Variants in DUSP11 observed in about 807,000 individuals in gnomAD.
The protein encoded by DUSP11 is RNA/RNP complex-1-interacting phosphatase.
In DUSP11, 27 loss-of-function variants were observed where a neutral mutation model predicts 41.4. That is an observed-to-expected ratio of 0.65 (90% CI 0.48 to 0.90). The LOEUF is 0.90. Among genes scored for constraint, DUSP11 ranks in the 40% least tolerant of loss-of-function variants. DUSP11 has a pLI of 0.00. For missense variants in DUSP11, 465 were observed against 461.1 expected (o/e 1.01, Z -0.08); for synonymous variants, 188 against 159.3 (o/e 1.18, Z -1.35).
At chr2:73,766,377 T>C in intron 8 of DUSP11, 41 bp downstream of exon 8, 1 of 1,533,220 alleles carries the variant, frequency 6.5e-7, no homozygotes, top group South Asian at 1.2e-5. Flanking sequence ...TAGTATTAAT[T>C]TCTATCTCAA....
chr2:73,775,594 A>G (rs1435889309), intron 2 of DUSP11, among the ~76,000 whole-genome samples: 7 of 147,220 alleles, frequency 4.8e-5, no homozygotes, highest in East Asian at 2.0e-4. Context: ...AGTGGTTCAC[A>G]CCTGTAATCC....
chr2:73,762,295 CA>C (rs939731139), exon 9 of DUSP11: 1 of 156,512 alleles, frequency 6.4e-6, no homozygotes, highest in African/African-American at 2.4e-5. Context: ...CAGAACATAA[CA>C]AAAACACTAA....
At chr2:73,775,167 G>A (rs780480496) in intron 2 of DUSP11, 123 bp from the exon 3 acceptor site, 59 of 808,366 alleles carry the variant, frequency 7.3e-5, no homozygotes, top group Non-Finnish European at 8.7e-5. Context: ...CATTCTCCTG[G>A]AACATAGAAG....
chr2:73,779,772 G>C (rs1257670736), intron 1 of DUSP11, 102 bp downstream of exon 1: 1 of 1,546,824 alleles, frequency 6.5e-7, no homozygotes, highest in Non-Finnish European at 8.7e-7. Flanking sequence ...GACAAGTCAA[G>C]CTTGCGATGG....
In DUSP11 at chr2:73,766,920, C is replaced by T. The variant is rs1672476475; in HGVS notation, c.683-17G>A. 12 of 1,599,212 alleles carry T rather than the reference C, an allele frequency of 7.5e-6. No homozygotes were observed. Among genetic ancestry groups the T allele is most frequent in the African/African-American group, 1.3e-5 (1 of 74,468 alleles). The stretch of plus-strand genomic sequence containing the variant: ...TATTGAATACTGAGGAGAGGATAAA[C>T]TGTTAGAAATAACTGTACAAAAAGC... On this transcript the variant is annotated splice_polypyrimidine_tract_variant and intron_variant, in intron 6 of 8. Coordinates refer to ENST00000272444, the Ensembl canonical transcript of DUSP11.
chr2:73,776,501 T>C (rs191755022), intron 2 of DUSP11, among the ~76,000 whole-genome samples: 205 of 151,516 alleles, frequency 1.4e-3, no homozygotes, highest in African/African-American at 4.8e-3. Flanking sequence ...AGTTCCCACA[T>C]GTACTTTGCC....
chr2:73,772,498 T>C (rs1672602164), intron 4 of DUSP11, among the ~76,000 whole-genome samples: 1 of 152,190 alleles, frequency 6.6e-6, no homozygotes, highest in African/African-American at 2.4e-5. Flanking sequence ...CTACAATCAG[T>C]ATAACGTGAA....
chr2:73,773,973 T>C (rs375909393), intron 3 of DUSP11, 50 bp from the exon 4 acceptor site: 4 of 1,444,906 alleles, frequency 2.8e-6, no homozygotes, highest in East Asian at 4.7e-5. Context: ...TGTAGAGAAA[T>C]AATTAAAGAG....
exon 8 of DUSP11, chr2:73,766,580 C>T (rs752590032): frequency 6.2e-7 from 1 of 1,607,850 alleles, no homozygotes; most frequent in African/African-American, 1.3e-5. Flanking sequence ...CCTGGGTACA[C>T]TGGAATTCCA....
chr2:73,773,979 A>C (rs554450005), intron 3 of DUSP11, 56 bp from the exon 4 acceptor site: 22 of 1,407,936 alleles, frequency 1.6e-5, no homozygotes, highest in Non-Finnish European at 2.0e-5. Context: ...GAAATAATTA[A>C]AGAGTAATTA....
chr2:73,769,741 G>A (rs932557971), intron 4 of DUSP11, among the ~76,000 whole-genome samples: 1 of 152,206 alleles, frequency 6.6e-6, no homozygotes, highest in African/African-American at 2.4e-5. Flanking sequence ...GTACTCTTGA[G>A]TTCCCGAAGA....
At chr2:73,769,476 T>C (rs1376813776) in intron 4 of DUSP11, 151 bp from the exon 5 acceptor site, 1 of 616,698 alleles carries the variant, frequency 1.6e-6, no homozygotes, top group African/African-American at 1.9e-5. Flanking sequence ...CAAAACTCAC[T>C]GCTTCTGGGA....
At chr2:73,763,617 G>C (rs1307464415) in intron 8 of DUSP11, among the ~76,000 whole-genome samples, 1 of 152,138 alleles carries the variant, frequency 6.6e-6, no homozygotes, top group Non-Finnish European at 1.5e-5. Context: ...CAGCTACTGG[G>C]GAGGCTGAGG....
intron 3 of DUSP11, 45 bp from the exon 4 acceptor site, chr2:73,773,968 A>G (rs1290234090): frequency 2.1e-6 from 3 of 1,459,414 alleles, no homozygotes; most frequent in Non-Finnish European, 2.8e-6. Flanking sequence ...TCACTTGTAG[A>G]GAAATAATTA....
At chr2:73,770,985 A>G (rs962103355) in intron 4 of DUSP11, among the ~76,000 whole-genome samples, 2 of 152,058 alleles carry the variant, frequency 1.3e-5, no homozygotes, top group African/African-American at 4.8e-5. Context: ...CTCCCCAGAC[A>G]CCCAATGGCT....
At chr2:73,772,556 A>G (rs929155897) in intron 4 of DUSP11, among the ~76,000 whole-genome samples, 2 of 152,236 alleles carry the variant, frequency 1.3e-5, no homozygotes, top group African/African-American at 2.4e-5. Context: ...AGGACCTCCT[A>G]GCCCTCACAG....
chr2:73,766,485 G>C (rs756792015), exon 8 of DUSP11: 2 of 1,614,152 alleles, frequency 1.2e-6, no homozygotes, highest in East Asian at 2.2e-5. Context: ...CCCTGGATCT[G>C]ATGTAGATTA....
intron 4 of DUSP11, chr2:73,773,126 T>C (rs987264743): frequency 6.6e-6 from 1 of 152,216 alleles, no homozygotes; most frequent in African/African-American, 2.4e-5. Context: ...GCTGTTAAGT[T>C]CTATTTTCAA....
At chr2:73,775,425 C>A (rs966998255) in intron 2 of DUSP11, among the ~76,000 whole-genome samples, 6 of 145,428 alleles carry the variant, frequency 4.1e-5, no homozygotes, top group Admixed American at 1.4e-4. Flanking sequence ...GTCATCCAGG[C>A]TGGAGTGCAG....
Sources: allele counts gnomAD v4.1 joint callset (sites outside exome capture counted in the v4.1 genomes callset), GRCh38; gene constraint gnomAD v4.1.1; transcripts MANE v1.5; gene names NCBI Gene and HGNC (gene_info 2026-07-23, HGNC 2026-07-21).